Variants in CLYBL observed in about 807,000 individuals in gnomAD.
CLYBL encodes the protein citramalyl-CoA lyase, mitochondrial.
In CLYBL, 31 loss-of-function variants were observed where a neutral mutation model predicts 38.9. The observed-to-expected ratio is 0.80, with a 90% confidence interval of 0.60 to 1.08. The LOEUF is 1.08. Ranked by LOEUF, CLYBL falls within the 50% of genes least tolerant of loss-of-function variation. The probability of loss-of-function intolerance (pLI) is 0.00; values close to 1 mark genes in which losing one functional copy is unlikely to be tolerated. For missense variants in CLYBL, 434 were observed against 411.6 expected (o/e 1.05, Z -0.47); for synonymous variants, 171 against 158.6 (o/e 1.08, Z -0.59).
intron 1 of CLYBL, among the ~76,000 whole-genome samples, chr13:99,770,080 C>CTTTCTT (rs747808811): frequency 5.8e-5 from 6 of 103,182 alleles, no homozygotes; most frequent in African/African-American, 2.2e-4. Flanking sequence ...TCTTTTCTTT[C>CTTTCTT]TTTTTTTTTT....
In CLYBL at chr13:99,864,895, C is replaced by T; in HGVS notation, c.618C>T (p.Asp206=). ...ATGCAGTCGTTTTTGGAGGAGAAGA[C>T]TTTCGAGCCAGCATAGGTGTCAAAG... ...FLDAVVFGGE[D]FRASIGATSS... Residue 206 remains aspartate (D), a synonymous_variant, in exon 5 of 9, where the codon GAC becomes GAT. Coordinates refer to ENST00000339105, the MANE Select transcript of CLYBL (RefSeq NM_206808.5). 1 of 1,608,860 alleles carries T rather than the reference C, an allele frequency of 6.2e-7. No homozygotes were observed. The highest frequency in any genetic ancestry group is 8.5e-7 in the Non-Finnish European group (1 of 1,175,888).
intron 2 of CLYBL, among the ~76,000 whole-genome samples, chr13:99,820,416 T>A (rs1359453089): frequency 6.6e-6 from 1 of 152,146 alleles, no homozygotes; most frequent in Non-Finnish European, 1.5e-5. Flanking sequence ...AAACTTACCA[T>A]AGTAACAGCC....
intron 7 of CLYBL, among the ~76,000 whole-genome samples, chr13:99,874,445 T>C (rs1365682411): frequency 6.6e-6 from 1 of 152,156 alleles, no homozygotes; most frequent in African/African-American, 2.4e-5. Flanking sequence ...TTTTATGTCT[T>C]TTTTTATAAT....
intron 2 of CLYBL, among the ~76,000 whole-genome samples, chr13:99,814,116 T>C (rs1454541479): frequency 6.6e-6 from 1 of 152,244 alleles, no homozygotes; most frequent in Non-Finnish European, 1.5e-5. Flanking sequence ...GAACAGAAGA[T>C]CATTCTTTCC....
chr13:99,852,451 C>T (rs942692746), intron 2 of CLYBL, among the ~76,000 whole-genome samples: 1 of 152,156 alleles, frequency 6.6e-6, no homozygotes, highest in African/African-American at 2.4e-5. Flanking sequence ...TCTATGAATA[C>T]ACTAACAGCC....
intron 1 of CLYBL, among the ~76,000 whole-genome samples, chr13:99,677,346 G>A (rs78776551): frequency 1.3e-5 from 2 of 151,916 alleles, no homozygotes; most frequent in Non-Finnish European, 1.5e-5. Flanking sequence ...AAAAAAAAAA[G>A]CTTGTAATTG....
At position 99,883,402 on chromosome 13, in the gene CLYBL, C is replaced by T. The variant is rs1287937193; in HGVS notation, c.928-7916C>T. 2.0e-5 allele frequency among the ~76,000 whole-genome samples: 3 copies of T among 151,860 alleles called. No homozygotes were observed. The East Asian group carries it at 5.8e-4, about 29-fold the overall frequency. On this transcript the variant is annotated intron_variant, in intron 7 of 8. Coordinates refer to ENST00000339105, the MANE Select transcript of CLYBL (RefSeq NM_206808.5). ...GGTGTGGTGGCGAGCGCCTGAAATC[C>T]CAGCTACTCAGGAGGCTGAGGCAGG...
chr13:99,808,284 C>G (rs1294227508), intron 2 of CLYBL, among the ~76,000 whole-genome samples: 2 of 152,076 alleles, frequency 1.3e-5, no homozygotes, highest in African/African-American at 4.8e-5. Context: ...TGGAGTACTG[C>G]TGTGTTGCCC....
rs113730820 is a variant in CLYBL, at chr13:99,883,082, C to G, written c.928-8236C>G. 7.8e-4 allele frequency among the ~76,000 whole-genome samples: 119 copies of G among 152,282 alleles called. 1 individual carries two copies. The highest frequency in any genetic ancestry group is 2.3e-3 in the African/African-American group (95 of 41,564). On this transcript the variant is annotated intron_variant, in intron 7 of 8. Coordinates refer to ENST00000339105, the MANE Select transcript of CLYBL (RefSeq NM_206808.5). Reference sequence around the variant, plus strand: ...GAAAAGGAAACAGGTGGTTCAACTTCCTCTGCTTAGGGTCCAGGAAGGAGC... The same window carrying G: ...GAAAAGGAAACAGGTGGTTCAACTTGCTCTGCTTAGGGTCCAGGAAGGAGC...
intron 1 of CLYBL, among the ~76,000 whole-genome samples, chr13:99,706,859 A>G (rs143179719): frequency 6.6e-6 from 1 of 152,254 alleles, no homozygotes; most frequent in East Asian, 1.9e-4. Context: ...CCAGACTGGA[A>G]TGTAGTGGTT....
chr13:99,686,503 T>G (rs571399404), intron 1 of CLYBL, among the ~76,000 whole-genome samples: 1 of 98,916 alleles, frequency 1.0e-5, no homozygotes, highest in East Asian at 3.1e-4. Context: ...ATAAAAGTAT[T>G]TGTTTCAACA....
In CLYBL at chr13:99,826,983, A is replaced by G. The variant is rs367746174; in HGVS notation, c.250-31878A>G. Among the ~76,000 whole-genome samples, 193 of 152,366 alleles carry G rather than the reference A, an allele frequency of 1.3e-3. 1 individual carries two copies. The highest frequency in any genetic ancestry group is 4.3e-3 in the African/African-American group (180 of 41,586). ...GAAAAAGTTGTCATCTCATAATTCC[A>G]GGTGCCAAGATCACTCAGGAGAGAA... On this transcript the variant is annotated intron_variant, in intron 2 of 8. Coordinates refer to ENST00000339105, the MANE Select transcript of CLYBL (RefSeq NM_206808.5).
At chr13:99,803,996 G>T (rs901492011) in intron 2 of CLYBL, among the ~76,000 whole-genome samples, 5 of 152,020 alleles carry the variant, frequency 3.3e-5, no homozygotes, top group African/African-American at 1.2e-4. Context: ...AGATGCTGAG[G>T]ATGTTAATAC....
chr13:99,748,283 G>A (rs1041539222), intron 1 of CLYBL, among the ~76,000 whole-genome samples: 1 of 151,902 alleles, frequency 6.6e-6, no homozygotes, highest in Non-Finnish European at 1.5e-5. Context: ...GGGAGGCTGA[G>A]GTGGGAGAAT....
intron 1 of CLYBL, among the ~76,000 whole-genome samples, chr13:99,694,305 C>T (rs1241152126): frequency 1.3e-5 from 2 of 152,174 alleles, no homozygotes; most frequent in Non-Finnish European, 2.9e-5. Context: ...ACTGCAAACC[C>T]GGCAGAGCCA....
chr13:99,841,090 C>T (rs192215396), intron 2 of CLYBL, among the ~76,000 whole-genome samples: 187 of 152,210 alleles, frequency 1.2e-3, no homozygotes, highest in Non-Finnish European at 2.6e-3. Flanking sequence ...AAACTGATTC[C>T]GGACTTAAGG....
chr13:99,771,668 C>T (rs571989328), intron 1 of CLYBL, among the ~76,000 whole-genome samples: 20 of 152,094 alleles, frequency 1.3e-4, no homozygotes, highest in African/African-American at 4.6e-4. Flanking sequence ...AGCTTCTGGC[C>T]AACACTTTTT....
chr13:99,879,421 C>T (rs1456047057), intron 7 of CLYBL, among the ~76,000 whole-genome samples: 1 of 152,218 alleles, frequency 6.6e-6, no homozygotes, highest in African/African-American at 2.4e-5. Context: ...TCTGGTCCAT[C>T]ATCTGCTGAA....
chr13:99,799,377 T>TCACACCCACACA (rs2050085439), intron 2 of CLYBL, among the ~76,000 whole-genome samples: 1 of 150,176 alleles, frequency 6.7e-6, no homozygotes, highest in Admixed American at 6.6e-5. Flanking sequence ...ATACACACAT[T>TCACACCCACACA]CACACACACA....
Sources: gnomAD v4.1 joint callset for allele counts (sites outside exome capture counted in the v4.1 genomes callset) on GRCh38, gnomAD v4.1.1 for gene constraint, MANE v1.5 for transcripts, NCBI Gene and HGNC (gene_info 2026-07-23, HGNC 2026-07-21) for gene names.